GABRB1: variants seen among roughly 807,000 people sequenced by gnomAD.
GABRB1 encodes the protein gamma-aminobutyric acid receptor subunit beta-1.
GABRB1 carries 17 observed loss-of-function variants against 51.6 expected under a neutral mutation model. The observed-to-expected ratio is 0.33, with a 90% CI of 0.23 to 0.49. GABRB1 has a LOEUF of 0.49. GABRB1 is among the 20% of genes least tolerant of loss of function. GABRB1 has a pLI of 0.99. For missense variants in GABRB1, 410 were observed against 600.6 expected (o/e 0.68, Z 3.32); for synonymous variants, 247 against 218.9 (o/e 1.13, Z -1.14).
At chr4:47,389,984 G>A (rs775151829) in intron 5 of GABRB1, among the ~76,000 whole-genome samples, 7 of 152,322 alleles carry the variant, frequency 4.6e-5, no homozygotes, top group East Asian at 1.9e-4. Flanking sequence ...TGCAACTGAT[G>A]TAAACAGGAA....
At chr4:47,234,090 T>C (rs565121859) in intron 4 of GABRB1, among the ~76,000 whole-genome samples, 5 of 152,268 alleles carry the variant, frequency 3.3e-5, no homozygotes, top group Non-Finnish European at 5.9e-5. Flanking sequence ...ATGAATTATT[T>C]TAAATGAAAA....
chr4:47,345,965 G>A (rs1210205296), intron 5 of GABRB1, among the ~76,000 whole-genome samples: 1 of 151,732 alleles, frequency 6.6e-6, no homozygotes, highest in Non-Finnish European at 1.5e-5. Context: ...CCCCACATGA[G>A]GCCACAAACC....
intron 3 of GABRB1, among the ~76,000 whole-genome samples, chr4:47,038,986 A>G (rs1725713999): frequency 6.6e-6 from 1 of 152,136 alleles, no homozygotes; most frequent in Non-Finnish European, 1.5e-5. Context: ...TAGATCAAGC[A>G]TTTCATGAAG....
chr4:47,378,975 G>A (rs773630239), intron 5 of GABRB1, among the ~76,000 whole-genome samples: 3 of 152,060 alleles, frequency 2.0e-5, no homozygotes, highest in Admixed American at 6.5e-5. Flanking sequence ...TTTTTCTGGC[G>A]TGATAGATTC....
intron 5 of GABRB1, 130 bp from the exon 6 acceptor site, chr4:47,403,188 G>A (rs774975089): frequency 4.5e-6 from 4 of 887,440 alleles, no homozygotes; most frequent in Non-Finnish European, 7.0e-6. Context: ...CATGAGACCT[G>A]CATACCACCC....
chr4:47,008,698 T>G (rs1724486278), intron 1 of GABRB1, among the ~76,000 whole-genome samples: 1 of 147,284 alleles, frequency 6.8e-6, no homozygotes. Flanking sequence ...AGGCTGGTCT[T>G]GAACTCCTGA....
Position 47,150,201 on chromosome 4 carries a change from A to C in GABRB1, c.241-11048A>C, listed in dbSNP as rs561607206. ...ACACACAACACACACACACACACAC[A>C]CACACACACACACACGCACACAGTT... is the stretch of plus-strand genomic sequence containing the variant. On this transcript the variant is annotated intron_variant, in intron 3 of 8. Transcript: ENST00000295454. 1.4e-3 allele frequency among the ~76,000 whole-genome samples: 215 copies of C among 149,840 alleles called. 6 individuals carry two copies. The highest frequency in any genetic ancestry group is 1.4e-3 in the Non-Finnish European group (91 of 67,132).
At chr4:47,141,151 GAGATGTCAGAT>G (rs1716916236) in intron 3 of GABRB1, among the ~76,000 whole-genome samples, 1 of 151,758 alleles carries the variant, frequency 6.6e-6, no homozygotes, top group Admixed American at 6.6e-5. Flanking sequence ...CTCCTATGTA[GAGATGTCAGAT>G]AATAAGAGAG....
chr4:47,331,081 G>A (rs1725462872), intron 5 of GABRB1, among the ~76,000 whole-genome samples: 1 of 152,024 alleles, frequency 6.6e-6, no homozygotes, highest in African/African-American at 2.4e-5. Flanking sequence ...CCATTGTCAA[G>A]GAAATTAGCA....
intron 4 of GABRB1, among the ~76,000 whole-genome samples, chr4:47,271,533 A>G (rs925754177): frequency 2.0e-5 from 3 of 152,208 alleles, no homozygotes; most frequent in Non-Finnish European, 2.9e-5. Context: ...TGGCTTAATC[A>G]GTCCTGGCCC....
At chr4:47,327,572 C>T (rs1231714995) in intron 5 of GABRB1, among the ~76,000 whole-genome samples, 2 of 152,144 alleles carry the variant, frequency 1.3e-5, no homozygotes, top group South Asian at 2.1e-4. Context: ...AAAGGTAACA[C>T]TTAGTGACAC....
At chr4:47,290,648 C>T (rs7674906) in intron 4 of GABRB1, among the ~76,000 whole-genome samples, 64,864 of 151,864 alleles carry the variant, frequency 0.43, 14,367 homozygotes, top group East Asian at 0.57. Flanking sequence ...CAATAAGGTG[C>T]AGACTGAGGT....
chr4:47,093,555 G>A (rs566817723), intron 3 of GABRB1, among the ~76,000 whole-genome samples: 1 of 152,016 alleles, frequency 6.6e-6, no homozygotes, highest in African/African-American at 2.4e-5. Context: ...GTAATTATTT[G>A]TACCACCATA....
At chr4:47,019,888 ATATATG>A (rs56015998) in intron 1 of GABRB1, among the ~76,000 whole-genome samples, 3,883 of 139,646 alleles carry the variant, frequency 0.028, 118 homozygotes, top group African/African-American at 0.073. Flanking sequence ...TATATATATA[ATATATG>A]TATATGTATA....
At chr4:47,066,924 T>C (rs925157951) in intron 3 of GABRB1, among the ~76,000 whole-genome samples, 5 of 152,228 alleles carry the variant, frequency 3.3e-5, no homozygotes, top group Admixed American at 2.6e-4. Context: ...AGAAGAATCA[T>C]TATCTCTGGT....
chr4:47,168,997 A>C (rs1718324734), intron 4 of GABRB1, among the ~76,000 whole-genome samples: 1 of 152,020 alleles, frequency 6.6e-6, no homozygotes. Flanking sequence ...ATCACCAGTC[A>C]TATTGGATTA....
At chr4:47,118,535 ATG>A (rs1715606371) in intron 3 of GABRB1, among the ~76,000 whole-genome samples, 1 of 152,210 alleles carries the variant, frequency 6.6e-6, no homozygotes, top group Admixed American at 6.5e-5. Context: ...GTTCACTGAA[ATG>A]TAAGAGAAAA....
rs537617356 is a variant in GABRB1, at chr4:47,375,617, C to A, written c.545-27701C>A. ...GAGATTCTATCATCTTATAGCAGCA[C>A]CATCTGGCAAATTGAGCTTCTTGAG... On this transcript the variant is annotated intron_variant, in intron 5 of 8. Coordinates refer to ENST00000295454, the MANE Select transcript of GABRB1 (RefSeq NM_000812.4). Among the ~76,000 whole-genome samples, 96 of 152,300 alleles carry A rather than the reference C, an allele frequency of 6.3e-4. 4 individuals are homozygous for A. The highest frequency in any genetic ancestry group is 2.2e-3 in the African/African-American group (92 of 41,550).
intron 3 of GABRB1, among the ~76,000 whole-genome samples, chr4:47,088,313 G>A (rs1487678806): frequency 6.6e-6 from 1 of 152,164 alleles, no homozygotes; most frequent in African/African-American, 2.4e-5. Context: ...ATGCAATAAT[G>A]CACATAGGAG....
Sources: gnomAD v4.1 joint callset for allele counts (sites outside exome capture counted in the v4.1 genomes callset) on GRCh38, gnomAD v4.1.1 for gene constraint, MANE v1.5 for transcripts, NCBI Gene and HGNC (gene_info 2026-07-23, HGNC 2026-07-21) for gene names.